The following SLC10A7 variants were observed in gnomAD, a reference collection of about 807,000 sequenced individuals.
The protein encoded by SLC10A7 is solute carrier family 10 member 7.
In SLC10A7, 29 loss-of-function variants were observed where a neutral mutation model predicts 43.2. That is an observed-to-expected ratio of 0.67 (90% CI 0.50 to 0.92). SLC10A7 has a LOEUF of 0.92. Ranked by LOEUF, SLC10A7 falls within the 40% of genes least tolerant of loss-of-function variation. SLC10A7 has a pLI of 0.00. For missense variants in SLC10A7, 295 were observed against 403.2 expected (o/e 0.73, Z 2.30); for synonymous variants, 152 against 144.8 (o/e 1.05, Z -0.35).
chr4:146,425,621 C>T (rs142359499), intron 5 of SLC10A7, among the ~76,000 whole-genome samples: 5 of 152,200 alleles, frequency 3.3e-5, no homozygotes, highest in Non-Finnish European at 5.9e-5. Flanking sequence ...AATACCTTTA[C>T]GGTAAAAACA....
rs562262835 is a variant in SLC10A7 at position 146,267,560 on chromosome 4, C to T, written c.848-8723G>A. On this transcript the variant is annotated intron_variant, in intron 10 of 11. Transcript: ENST00000335472. ...AACATGCAGATTGTGCTGCCTTACC[C>T]TTGCCAGTGATTTATGTTTTACTTG... is the stretch of plus-strand genomic sequence containing the variant. 3.3e-5 allele frequency among the ~76,000 whole-genome samples: 5 copies of T among 152,304 alleles called. No individual in the cohort carries two copies. The East Asian group carries it at 7.7e-4, about 23-fold the overall frequency.
intron 4 of SLC10A7, among the ~76,000 whole-genome samples, chr4:146,447,023 C>T (rs1457330665): frequency 2.0e-5 from 3 of 152,110 alleles, no homozygotes; most frequent in Admixed American, 1.3e-4. Flanking sequence ...CAACCTATGA[C>T]AGTAACAGGA....
chr4:146,485,225 A>G (rs1734811577), intron 4 of SLC10A7, among the ~76,000 whole-genome samples: 1 of 152,224 alleles, frequency 6.6e-6, no homozygotes, highest in Non-Finnish European at 1.5e-5. Flanking sequence ...GACTGTGACT[A>G]GAGATTTTTT....
intron 4 of SLC10A7, among the ~76,000 whole-genome samples, chr4:146,499,492 A>G (rs1736208052): frequency 6.6e-6 from 1 of 152,138 alleles, no homozygotes; most frequent in Non-Finnish European, 1.5e-5. Context: ...TACTTCAACA[A>G]AAGTCTATAT....
chr4:146,470,477 AG>A (rs1408741572), intron 4 of SLC10A7, among the ~76,000 whole-genome samples: 1 of 152,074 alleles, frequency 6.6e-6, no homozygotes, highest in Non-Finnish European at 1.5e-5. Flanking sequence ...ATGCTATAAA[AG>A]AATTTTGCTA....
chr4:146,487,395 C>T (rs915184439), intron 4 of SLC10A7, among the ~76,000 whole-genome samples: 4 of 152,178 alleles, frequency 2.6e-5, no homozygotes, highest in African/African-American at 4.8e-5. Flanking sequence ...CACCCTAGAG[C>T]TCCCCACTCC....
chr4:146,314,119 C>T (rs976477134), intron 6 of SLC10A7, among the ~76,000 whole-genome samples: 1 of 152,092 alleles, frequency 6.6e-6, no homozygotes, highest in Admixed American at 6.6e-5. Flanking sequence ...CAGTCTCAGT[C>T]GAGTGACAAA....
chr4:146,338,558 A>G (rs1407901454), intron 5 of SLC10A7, among the ~76,000 whole-genome samples: 1 of 152,020 alleles, frequency 6.6e-6, no homozygotes, highest in African/African-American at 2.4e-5. Context: ...TCTAGCTGAA[A>G]GAGACATTAG....
At chr4:146,400,300 G>C (rs1739139572) in intron 5 of SLC10A7, among the ~76,000 whole-genome samples, 1 of 152,104 alleles carries the variant, frequency 6.6e-6, no homozygotes, top group Admixed American at 6.5e-5. Flanking sequence ...TGCTAGGGAG[G>C]CTTAATTAAA....
At chr4:146,282,480 C>T (rs1365728621) in intron 10 of SLC10A7, among the ~76,000 whole-genome samples, 2 of 152,000 alleles carry the variant, frequency 1.3e-5, no homozygotes, top group African/African-American at 2.4e-5. Context: ...TGCCCACCAC[C>T]CCAAGGAGTT....
Position 146,305,973 on chromosome 4 carries a change from A to G in SLC10A7, c.508T>C (p.Phe170Leu). 6.2e-7 allele frequency: 1 copy of G among 1,610,764 alleles called. No homozygotes were observed. Among genetic ancestry groups the G allele is most frequent in the Non-Finnish European group, 8.5e-7 (1 of 1,178,668 alleles). Residue 170 changes from phenylalanine to leucine, a missense_variant, in exon 7 of 12, where the codon TTT (phenylalanine) becomes CTT (leucine). Phe to Leu is a conservative substitution (Grantham distance 22). This residue lies in a region of SLC10A7 where 242 missense variants were observed against 362.5 expected (regional missense o/e 0.67). Transcript: ENST00000335472. ...SSSSVPFTSI[F>L]SQLFMTVVVP... is the part of the protein sequence containing the mutation. The stretch of plus-strand genomic sequence containing the variant: ...ACAACAGTCATAAAAAGCTGAGAAA[A>G]AATAGATGTGAAAGGCACAGAAGAA...
intron 1 of SLC10A7, 69 bp downstream of exon 1, chr4:146,521,549 C>T: frequency 2.2e-6 from 3 of 1,367,796 alleles, no homozygotes; most frequent in Non-Finnish European, 3.1e-6. Context: ...GTTGCCCCAC[C>T]TTTCCAAGAC....
At chr4:146,382,643 A>C (rs2149793045) in intron 5 of SLC10A7, among the ~76,000 whole-genome samples, 2 of 152,292 alleles carry the variant, frequency 1.3e-5, no homozygotes, top group African/African-American at 4.8e-5. Context: ...GAAGATGCTC[A>C]TGATGGACTG....
intron 4 of SLC10A7, among the ~76,000 whole-genome samples, chr4:146,501,545 ATGT>A (rs1431445396): frequency 1.3e-5 from 2 of 152,176 alleles, no homozygotes; most frequent in Non-Finnish European, 2.9e-5. Context: ...GCAAGTGAAA[ATGT>A]TGTGTGTTCC....
chr4:146,418,323 C>T (rs1728720930), intron 5 of SLC10A7, among the ~76,000 whole-genome samples: 2 of 152,118 alleles, frequency 1.3e-5, no homozygotes, highest in African/African-American at 2.4e-5. Flanking sequence ...ATACAAATCT[C>T]TAGTTTTTAG....
intron 5 of SLC10A7, among the ~76,000 whole-genome samples, chr4:146,344,826 G>T (rs539374965): frequency 6.6e-6 from 1 of 152,138 alleles, no homozygotes; most frequent in Non-Finnish European, 1.5e-5. Context: ...TCATAAAAAT[G>T]TGCAAATTTA....
At chr4:146,510,317 T>C (rs1299559836) in intron 2 of SLC10A7, among the ~76,000 whole-genome samples, 1 of 151,692 alleles carries the variant, frequency 6.6e-6, no homozygotes, top group East Asian at 1.9e-4. Context: ...TGGAGTACAG[T>C]GGCGCGATCT....
At chr4:146,455,121 C>T (rs1731937813) in intron 4 of SLC10A7, among the ~76,000 whole-genome samples, 1 of 151,796 alleles carries the variant, frequency 6.6e-6, no homozygotes, top group Non-Finnish European at 1.5e-5. Flanking sequence ...ATTCCTTCAA[C>T]CTAAATTTAT....
intron 5 of SLC10A7, among the ~76,000 whole-genome samples, chr4:146,417,955 C>T (rs763203096): frequency 6.6e-6 from 1 of 151,940 alleles, no homozygotes; most frequent in Admixed American, 6.6e-5. Flanking sequence ...TCTCTCCTCT[C>T]TCTCCTCCCT....
Sources: allele counts gnomAD v4.1 joint callset (sites outside exome capture counted in the v4.1 genomes callset), GRCh38; gene constraint gnomAD v4.1.1; regional missense constraint gnomAD v4.1.1; transcripts MANE v1.5; gene names NCBI Gene and HGNC (gene_info 2026-07-23, HGNC 2026-07-21).